SOS1: variants seen among roughly 807,000 people sequenced by gnomAD.
SOS1 encodes SOS Ras/Rac guanine nucleotide exchange factor 1.
SOS1 carries 25 observed loss-of-function variants against 157.6 expected under a neutral mutation model. That is an observed-to-expected ratio of 0.16 (90% confidence interval 0.12 to 0.22). The LOEUF (loss-of-function observed/expected upper bound fraction) is 0.22, where lower values mean the gene tolerates loss of function less well. SOS1 is among the 10% of genes least tolerant of loss of function. The probability of loss-of-function intolerance (pLI) is 1.00; values close to 1 mark genes in which losing one functional copy is unlikely to be tolerated. For synonymous variants in SOS1, 528 were observed against 534.0 expected, an observed-to-expected ratio of 0.99 and a Z score of 0.16; for missense variants, 1,237 against 1,599.1, an observed-to-expected ratio of 0.77 and a Z score of 3.86.
intron 6 of SOS1, among the ~76,000 whole-genome samples, chr2:39,039,523 C>A (rs576368343): frequency 2.6e-5 from 4 of 152,272 alleles, no homozygotes; most frequent in African/African-American, 9.6e-5. Flanking sequence ...TCCCTGATTA[C>A]TAGTAAGGTT....
At position 39,102,763 on chromosome 2, in the gene SOS1, G is replaced by C. The variant is rs115416449; in HGVS notation, c.87+17573C>G. 7.2e-3 allele frequency among the ~76,000 whole-genome samples: 1,092 copies of C among 152,084 alleles called. 12 individuals are homozygous for C. The highest frequency in any genetic ancestry group is 0.025 in the African/African-American group (1,049 of 41,510). On this transcript the variant is annotated intron_variant, in intron 1 of 22. Coordinates refer to ENST00000402219, the MANE Select transcript of SOS1 (RefSeq NM_005633.4). The stretch of plus-strand genomic sequence containing the variant: ...AGTTCAAGACCATCCTGGCCAACAA[G>C]GCAAAACCCTGTCTTACCAAAAATA...
chr2:39,030,248 A>AG lies in SOS1; in HGVS notation c.1074+4963_1074+4964insC, dbSNP rs1572836907. ...CTAACACAAAAAAAGAAAACAGAAA[A>AG]AAAAAAAAAAAAGCGAAAGAGGGGG... On this transcript the variant is annotated intron_variant, in intron 8 of 22. Coordinates refer to ENST00000402219, the MANE Select transcript of SOS1 (RefSeq NM_005633.4). Among the ~76,000 whole-genome samples the AG allele has an allele frequency of 2.0e-5, 3 of 149,992 alleles. No individual in the cohort carries two copies. The East Asian group carries it at 5.9e-4, about 29-fold the overall frequency.
rs141008618 is a variant in SOS1, at chr2:39,044,218, G to A, written c.864+6926C>T. ...CTAAAAATATGAAGATTAGCCAAAA[G>A]TGGTGGCACAGTAATCTCAACTACT... On this transcript the variant is annotated intron_variant, in intron 6 of 22. Transcript: ENST00000402219. 7.4e-3 allele frequency among the ~76,000 whole-genome samples: 1,127 copies of A among 152,254 alleles called. 7 individuals carry two copies. The highest frequency in any genetic ancestry group is 0.014 in the Middle Eastern group (4 of 294).
chr2:39,035,583 G>T, intron 6 of SOS1, 83 bp from the exon 7 acceptor site: 1 of 951,596 alleles, frequency 1.1e-6, no homozygotes, highest in Non-Finnish European at 1.7e-6. Flanking sequence ...GACTATGCGA[G>T]CACAATTATG....
chr2:39,026,681 G>A lies in SOS1; in HGVS notation c.1075-2544C>T, dbSNP rs180938273. Among the ~76,000 whole-genome samples the A allele has an allele frequency of 1.6e-3, 248 of 152,090 alleles. 2 individuals carry two copies. The highest frequency in any genetic ancestry group is 5.4e-3 in the African/African-American group (226 of 41,494). On this transcript the variant is annotated intron_variant, in intron 8 of 22. Transcript: ENST00000402219. ...TTGCCTCTCACATGGCAGAATTCTGGGAGACAAATAAAATGTTACCATTAA... is the reference window on the plus strand; with the variant it reads ...TTGCCTCTCACATGGCAGAATTCTGAGAGACAAATAAAATGTTACCATTAA...
intron 4 of SOS1, among the ~76,000 whole-genome samples, chr2:39,056,354 T>G (rs368343786): frequency 6.6e-6 from 1 of 151,936 alleles, no homozygotes; most frequent in South Asian, 2.1e-4. Flanking sequence ...GAGGCGGAGG[T>G]TGCAGTGAGC....
intron 15 of SOS1, among the ~76,000 whole-genome samples, chr2:39,010,004 A>G (rs1041957786): frequency 1.3e-5 from 2 of 152,230 alleles, no homozygotes; most frequent in Non-Finnish European, 2.9e-5. Flanking sequence ...GAGGAAAAAG[A>G]CATGAGACAT....
At chr2:39,018,207 C>A (rs771196722) in intron 10 of SOS1, among the ~76,000 whole-genome samples, 33 of 151,840 alleles carry the variant, frequency 2.2e-4, no homozygotes, top group Admixed American at 2.1e-3. Context: ...TTTTTATATT[C>A]TCCTTTCTGT....
chr2:39,078,559 G>A (rs558560099), intron 1 of SOS1, among the ~76,000 whole-genome samples: 24 of 152,074 alleles, frequency 1.6e-4, no homozygotes, highest in Non-Finnish European at 2.9e-4. Flanking sequence ...ATTACCACCT[G>A]AGCTCTGTCT....
chr2:39,066,149 C>T (rs191091906), intron 2 of SOS1, among the ~76,000 whole-genome samples: 2 of 152,272 alleles, frequency 1.3e-5, no homozygotes, highest in Admixed American at 6.5e-5. Context: ...CCCAATCACA[C>T]ATAAAACCCA....
intron 1 of SOS1, among the ~76,000 whole-genome samples, chr2:39,094,100 T>C (rs297145): frequency 0.8 from 122,106 of 152,068 alleles, 51,095 homozygotes; most frequent in Non-Finnish European, 0.92. Flanking sequence ...ATTAAGAGAT[T>C]TGCAAAAAAT....
intron 6 of SOS1, among the ~76,000 whole-genome samples, chr2:39,037,837 A>G (rs569022705): frequency 6.6e-6 from 1 of 152,226 alleles, no homozygotes; most frequent in Non-Finnish European, 1.5e-5. Context: ...TAAATGCAAC[A>G]GCAAAGCCTG....
intron 6 of SOS1, among the ~76,000 whole-genome samples, chr2:39,041,512 A>T (rs1039663823): frequency 6.6e-6 from 1 of 152,134 alleles, no homozygotes; most frequent in Admixed American, 6.5e-5. Context: ...TGTCCTTTGA[A>T]ACACAGTTTT....
intron 1 of SOS1, among the ~76,000 whole-genome samples, chr2:39,094,056 T>C (rs1174700725): frequency 1.3e-5 from 2 of 152,138 alleles, no homozygotes; most frequent in African/African-American, 2.4e-5. Context: ...ACCGGTTGAA[T>C]GTAGAAACAG....
rs1390734450 is a variant in SOS1, at chr2:39,120,562, G to A, written c.-140C>T. ...GCCCCCTCCGGGCGCCGCGCAGCCG[G>A]GCTAGCCCTGGCGAGGGGGCTGGGG... On this transcript the variant is annotated 5_prime_UTR_variant, in exon 1 of 23. Transcript: ENST00000402219. 2.0e-6 allele frequency: 2 copies of A among 989,452 alleles called. No individual in the cohort carries two copies. Among genetic ancestry groups the A allele is most frequent in the Non-Finnish European group, 2.4e-6 (2 of 820,736 alleles). 61.3% of individuals were successfully genotyped at this position (989,452 alleles called of 1,614,324 possible).
At chr2:39,102,031 C>T (rs1287106437) in intron 1 of SOS1, among the ~76,000 whole-genome samples, 2 of 149,696 alleles carry the variant, frequency 1.3e-5, no homozygotes, top group Admixed American at 1.3e-4. Context: ...CATGGAGAAA[C>T]CCCATCTCTA....
chr2:39,047,849 A>G (rs1260213727), intron 6 of SOS1, among the ~76,000 whole-genome samples: 1 of 151,926 alleles, frequency 6.6e-6, no homozygotes, highest in Admixed American at 6.6e-5. Context: ...TGTATTTTTA[A>G]TAGAGACAGG....
At chr2:39,098,583 T>A (rs976597804) in intron 1 of SOS1, 5 of 152,648 alleles carry the variant, frequency 3.3e-5, no homozygotes, top group Non-Finnish European at 5.9e-5. Context: ...ATAAGGAACT[T>A]ACATTCAGAA....
chr2:39,031,388 A>C (rs1480041208), intron 8 of SOS1, among the ~76,000 whole-genome samples: 2 of 152,150 alleles, frequency 1.3e-5, no homozygotes, highest in Non-Finnish European at 2.9e-5. Flanking sequence ...ACAAAGAAAA[A>C]GTTAATACCT....
Sources: allele counts gnomAD v4.1 joint callset (sites outside exome capture counted in the v4.1 genomes callset), GRCh38; gene constraint gnomAD v4.1.1; transcripts MANE v1.5; gene names NCBI Gene and HGNC (gene_info 2026-07-23, HGNC 2026-07-21).